Variants in UGT2A3 observed in about 807,000 individuals in gnomAD.
The protein encoded by UGT2A3 is UDP-glucuronosyltransferase 2A3.
In UGT2A3, 55 loss-of-function variants were observed where a neutral mutation model predicts 44.1. The ratio of observed to expected loss-of-function variants is 1.25; its 90% CI spans 1.00 to 1.56. The LOEUF (loss-of-function observed/expected upper bound fraction) is 1.56, where lower values mean the gene tolerates loss of function less well. UGT2A3 is among the 40% of genes most tolerant of loss of function. UGT2A3 has a pLI of 0.00. For missense variants in UGT2A3, 733 were observed against 621.6 expected (o/e 1.18, Z -1.91); for synonymous variants, 243 against 215.1 (o/e 1.13, Z -1.13).
At position 68,930,026 on chromosome 4, in the gene UGT2A3, T is replaced by C. The variant is rs112675774; in HGVS notation, c.1371A>G (p.Arg457=). The part of the protein sequence containing the change: ...HHDQPVKPLD[R]AVFWIEFVMR... Reference sequence around the variant, plus strand: ...TGACAAACTCGATCCAGAAGACTGCTCGATCTAGGGGCTTTACAGGTTGAT... The same window carrying C: ...TGACAAACTCGATCCAGAAGACTGCCCGATCTAGGGGCTTTACAGGTTGAT... The change falls in exon 6 of 6, where the codon CGA becomes CGG. Residue 457 remains arginine (R), a synonymous_variant. Coordinates refer to ENST00000251566, the MANE Select transcript of UGT2A3 (RefSeq NM_024743.4). 3 of 1,613,564 alleles carry C rather than the reference T, an allele frequency of 1.9e-6. No homozygotes were observed. The highest frequency in any genetic ancestry group is 1.3e-5 in the African/African-American group (1 of 75,020).
At chr4:68,940,804 A>G (rs1420741101) in intron 2 of UGT2A3, among the ~76,000 whole-genome samples, 1 of 86,948 alleles carries the variant, frequency 1.2e-5, no homozygotes, top group Non-Finnish European at 3.0e-5. Context: ...ACACACACAT[A>G]TATAGCATAG....
rs751866419 is a variant in UGT2A3, at chr4:68,951,296, T to A, written c.465A>T (p.Gly155=). 6.2e-7 allele frequency: 1 copy of A among 1,612,250 alleles called. No individual in the cohort carries two copies. Among genetic ancestry groups the A allele is most frequent in the Admixed American group, 1.7e-5 (1 of 59,746 alleles). ...VMLIDPVIPC[G]DLMAELLAVP... ...CTGCAAGCAACTCAGCCATCAGGTC[T>A]CCACAGGGAATCACAGGGTCTATAA... Residue 155 remains glycine, a synonymous_variant, in exon 1 of 6, where the codon GGA becomes GGT. Coordinates refer to ENST00000251566, the MANE Select transcript of UGT2A3 (RefSeq NM_024743.4).
intron 1 of UGT2A3, among the ~76,000 whole-genome samples, 154 bp downstream of exon 1, chr4:68,950,892 G>A (rs753165270): frequency 2.6e-5 from 4 of 151,744 alleles, no homozygotes; most frequent in East Asian, 2.0e-4. Context: ...GTTATCTTAC[G>A]CTTAGAACAA....
At chr4:68,946,260 G>T (rs995971657) in intron 1 of UGT2A3, among the ~76,000 whole-genome samples, 2 of 151,664 alleles carry the variant, frequency 1.3e-5, no homozygotes, top group African/African-American at 4.8e-5. Context: ...GTGATAAAAA[G>T]ATAAACTCCA....
At chr4:68,934,448 T>C (rs1320710260) in intron 2 of UGT2A3, among the ~76,000 whole-genome samples, 1 of 151,954 alleles carries the variant, frequency 6.6e-6, no homozygotes, top group African/African-American at 2.4e-5. Context: ...TAAAATACTA[T>C]ATGGAAAATC....
intron 3 of UGT2A3, among the ~76,000 whole-genome samples, 196 bp from the exon 4 acceptor site, chr4:68,931,438 T>A (rs1355447356): frequency 6.6e-6 from 1 of 152,100 alleles, no homozygotes; most frequent in African/African-American, 2.4e-5. Context: ...TGTGTACCAG[T>A]TGCCTATTAG....
chr4:68,947,974 T>C (rs1718441096), intron 1 of UGT2A3, among the ~76,000 whole-genome samples: 1 of 151,846 alleles, frequency 6.6e-6, no homozygotes, highest in African/African-American at 2.4e-5. Context: ...GAGTCCTCTA[T>C]AATTATTACA....
intron 4 of UGT2A3, 133 bp downstream of exon 4, chr4:68,931,022 A>G (rs1040764874): frequency 2.7e-5 from 21 of 785,416 alleles, no homozygotes; most frequent in African/African-American, 2.3e-4. Flanking sequence ...TCAATCCTTT[A>G]ATTATATCTG....
intron 2 of UGT2A3, among the ~76,000 whole-genome samples, chr4:68,933,451 A>G (rs1345984211): frequency 6.6e-6 from 1 of 152,038 alleles, no homozygotes; most frequent in African/African-American, 2.4e-5. Flanking sequence ...CACAGGAGGT[A>G]TTAGGAGTGT....
In UGT2A3 at chr4:68,943,232, T is replaced by A. The variant is rs560690984; in HGVS notation, c.864+2074A>T. The A allele has an allele frequency of 3.1e-5, 23 of 747,436 alleles. No homozygotes were observed. The East Asian group carries it at 1.7e-3, about 56-fold the overall frequency. The allele number at this position is 747,436 out of a possible 1,614,324, so 46.3% of individuals were successfully genotyped here. A position where few individuals can be genotyped will look rare whatever the true frequency, so the allele number is the denominator to read the frequency against. Reference sequence around the variant, plus strand: ...TTGTGTGTGTGTGTTTGTGTGTGTGTGTAAAACTGGGAGTGTGGGAATAAA... The same window carrying A: ...TTGTGTGTGTGTGTTTGTGTGTGTGAGTAAAACTGGGAGTGTGGGAATAAA... On this transcript the variant is annotated intron_variant, in intron 2 of 5. Coordinates refer to ENST00000251566, the MANE Select transcript of UGT2A3 (RefSeq NM_024743.4).
rs1718567137 is a variant in UGT2A3, at chr4:68,951,099, C to T, written c.662G>A (p.Trp221Ter). Residue 221 changes from tryptophan (W) to a stop codon, truncating the protein, a stop_gained, in exon 1 of 6, where the codon TGG becomes TAG. Transcript: ENST00000251566. LOFTEE classifies it high-confidence loss of function. ...AAAATGATAGTCGTAATCCTGAATC[C>T]AGAAGTGGAACAAAACTGAAAGCAT... is the stretch of plus-strand genomic sequence containing the variant. ...NSMLSVLFHF[W>*]IQDYDYHFWE... The T allele has an allele frequency of 6.2e-7, 1 of 1,609,802 alleles. No individual in the cohort carries two copies.
chr4:68,928,671 T>C lies in UGT2A3; in HGVS notation c.*1142A>G, dbSNP rs1047689377. The C allele has an allele frequency of 1.1e-4, 16 of 152,002 alleles. No individual in the cohort carries two copies. Among genetic ancestry groups the C allele is most frequent in the African/African-American group, 3.9e-4 (16 of 41,450 alleles). 9.4% of individuals were successfully genotyped at this position (152,002 alleles called of 1,614,324 possible). A position where few individuals can be genotyped will look rare whatever the true frequency, so the allele number is the denominator to read the frequency against. ...TAATAGGCATATCACTAAGATTATA[T>C]GACAGTAAAAAAATGAGAAGATTAA... On this transcript the variant is annotated 3_prime_UTR_variant, in exon 6 of 6. Transcript: ENST00000251566.
In UGT2A3 at chr4:68,930,551, A is replaced by G; in HGVS notation, c.1299T>C (p.Asp433=). 6.2e-7 allele frequency: 1 copy of G among 1,607,360 alleles called. No individual in the cohort carries two copies. Among genetic ancestry groups the G allele is most frequent in the Non-Finnish European group, 8.5e-7 (1 of 1,176,604 alleles). ...LLRALRTVIT[D]SSYKENAMRL... ...GTACAAGCAGTAGTACTTACGAGGA[A>G]TCGGTAATGACTGTTCTCAAAGCCC... is the stretch of plus-strand genomic sequence containing the variant. Residue 433 remains aspartate, a synonymous_variant, in exon 5 of 6, where the codon GAT becomes GAC. Coordinates refer to ENST00000251566, the MANE Select transcript of UGT2A3 (RefSeq NM_024743.4).
At position 68,929,874 on chromosome 4, in the gene UGT2A3, T is replaced by C; in HGVS notation, c.1523A>G (p.Lys508Arg). The C allele has an allele frequency of 6.2e-7, 1 of 1,610,210 alleles. No individual in the cohort carries two copies. Among genetic ancestry groups the C allele is most frequent in the Non-Finnish European group, 8.5e-7 (1 of 1,178,272 alleles). ...CVATAIFLFT[K>R]CFLFSCQKFN... ...TTTTTGACAGGAAAATAAAAAACAT[T>C]TTGTGAACAAGAATATAGCAGTTGC... The change falls in exon 6 of 6, where the codon AAA becomes AGA. Residue 508 changes from lysine to arginine, a missense_variant. Transcript: ENST00000251566.
At position 68,929,932 on chromosome 4, in the gene UGT2A3, T is replaced by C. The variant is rs754431303; in HGVS notation, c.1465A>G (p.Ile489Val). The C allele has an allele frequency of 1.4e-5, 23 of 1,613,452 alleles. No individual in the cohort carries two copies. The highest frequency in any genetic ancestry group is 1.9e-5 in the Non-Finnish European group (23 of 1,179,622). ...HDLTWFQHYS[I>V]DVIGFLLACV... is the part of the protein sequence containing the mutation. ...GCCAGCAGGAACCCAATCACATCTA[T>C]AGAGTAGTGCTGGAACCAGGTGAGG... The change falls in exon 6 of 6, where the codon ATA (isoleucine) becomes GTA (valine). Residue 489 changes from isoleucine to valine, a missense_variant. Transcript: ENST00000251566.
At chr4:68,934,333 A>G (rs561366424) in intron 2 of UGT2A3, among the ~76,000 whole-genome samples, 5 of 152,052 alleles carry the variant, frequency 3.3e-5, no homozygotes, top group African/African-American at 9.7e-5. Flanking sequence ...TAAACAATTT[A>G]TGATAACATC....
In UGT2A3 at chr4:68,930,675, G is replaced by A. The variant is rs1294616429; in HGVS notation, c.1175C>T (p.Pro392Leu). The change falls in exon 5 of 6, where the codon CCC becomes CTC. Residue 392 changes from proline to leucine, a missense_variant. Transcript: ENST00000251566. ...IYHGVPMVGV[P>L]IFGDQLDNIA... ...GTTATCAAGCTGATCACCAAATATGGGAACTCCCACCATAGGGACCCCATG... is the reference window on the plus strand; with the variant it reads ...GTTATCAAGCTGATCACCAAATATGAGAACTCCCACCATAGGGACCCCATG... 1 of 1,613,280 alleles carries A rather than the reference G, an allele frequency of 6.2e-7. No individual in the cohort carries two copies. Among genetic ancestry groups the A allele is most frequent in the Non-Finnish European group, 8.5e-7 (1 of 1,179,568 alleles).
Position 68,928,747 on chromosome 4 carries a change from AGAGCT to A in UGT2A3, c.*1061_*1065del. ...TATTACACTATATTTAGCTTTGTGT[AGAGCT>A]TTACATATCAAAATATTTAATATAT... is the stretch of plus-strand genomic sequence containing the variant. On this transcript the variant is annotated 3_prime_UTR_variant, in exon 6 of 6. Transcript: ENST00000251566. 1 of 152,090 alleles carries A rather than the reference AGAGCT, an allele frequency of 6.6e-6. No individual in the cohort carries two copies. Among genetic ancestry groups the A allele is most frequent in the South Asian group, 2.1e-4 (1 of 4,830 alleles). The allele number at this position is 152,090 out of a possible 1,614,324, so 9.4% of individuals were successfully genotyped here.
At chr4:68,943,429 A>C in intron 2 of UGT2A3, 2 of 783,378 alleles carry the variant, frequency 2.6e-6, no homozygotes, top group Non-Finnish European at 3.4e-6. Flanking sequence ...ATATTCATCA[A>C]TACACATCTT....
Sources: allele counts gnomAD v4.1 joint callset (sites outside exome capture counted in the v4.1 genomes callset), GRCh38; gene constraint gnomAD v4.1.1; transcripts MANE v1.5; gene names NCBI Gene and HGNC (gene_info 2026-07-23, HGNC 2026-07-21).